Variants in BRD9 observed in about 807,000 individuals in gnomAD.
The protein encoded by BRD9 is bromodomain-containing protein 9.
In BRD9, 47 loss-of-function variants were observed where a neutral mutation model predicts 68.7. The ratio of observed to expected loss-of-function variants is 0.68; its 90% CI spans 0.54 to 0.87. The LOEUF is 0.87. BRD9 is among the 40% of genes least tolerant of loss of function. The pLI is 0.00. For missense variants in BRD9, 670 were observed against 748.4 expected (o/e 0.90, Z 1.22); for synonymous variants, 313 against 293.9 (o/e 1.06, Z -0.67).
intron 9 of BRD9, among the ~76,000 whole-genome samples, chr5:880,399 T>C (rs1751563165): frequency 6.8e-6 from 1 of 147,674 alleles, no homozygotes; most frequent in Admixed American, 6.7e-5. Flanking sequence ...TTTAGGAAAA[T>C]AAGCTGAAGA....
rs114963653 is a variant in BRD9 at position 865,948 on chromosome 5, G to A, written c.1526-367C>T. 4.7e-3 allele frequency: 889 copies of A among 187,572 alleles called. 7 individuals are homozygous for A. The highest frequency in any genetic ancestry group is 0.02 in the African/African-American group (855 of 43,040). 11.6% of individuals were successfully genotyped at this position (187,572 alleles called of 1,614,324 possible). On this transcript the variant is annotated intron_variant, in intron 14 of 15. Coordinates refer to ENST00000467963, the MANE Select transcript of BRD9 (RefSeq NM_023924.5). Reference sequence around the variant, plus strand: ...CACAAAGGCCAGACAGCTGGATGGAGGGTGCAAGAGGCCGGCAGACCCTGG... The same window carrying A: ...CACAAAGGCCAGACAGCTGGATGGAAGGTGCAAGAGGCCGGCAGACCCTGG...
intron 11 of BRD9, among the ~76,000 whole-genome samples, chr5:877,942 C>G (rs570360279): frequency 3.2e-4 from 48 of 152,296 alleles, no homozygotes; most frequent in African/African-American, 1.2e-3. Context: ...AAAGACGGCA[C>G]CTGCAGGCCC....
rs1426341107 is a variant in BRD9, at chr5:864,139, G to A, written c.*329C>T. On this transcript the variant is annotated 3_prime_UTR_variant, in exon 16 of 16. Coordinates refer to ENST00000467963, the MANE Select transcript of BRD9 (RefSeq NM_023924.5). The stretch of plus-strand genomic sequence containing the variant: ...TATGACTCCACTCCTCAGGGTTCAC[G>A]GGGCTGTGTACAGAGACTCTCTCTG... 7 of 189,022 alleles carry A rather than the reference G, an allele frequency of 3.7e-5. No individual in the cohort carries two copies. Among genetic ancestry groups the A allele is most frequent in the East Asian group, 1.4e-4 (1 of 7,298 alleles). The allele number at this position is 189,022 out of a possible 1,614,324, so 11.7% of individuals were successfully genotyped here. A position where few individuals can be genotyped will look rare whatever the true frequency, so the allele number is the denominator to read the frequency against.
Position 891,224 on chromosome 5 carries a change from C to T in BRD9, c.331G>A (p.Asp111Asn). 1.9e-6 allele frequency: 3 copies of T among 1,551,940 alleles called. No homozygotes were observed. Among genetic ancestry groups the T allele is most frequent in the Non-Finnish European group, 2.6e-6 (3 of 1,147,084 alleles). The change falls in exon 3 of 16, where the codon GAT (aspartate) becomes AAT (asparagine). Residue 111 changes from aspartate (D) to asparagine (N), a missense_variant. Asp to Asn is a conservative substitution (Grantham distance 23). Around this residue, in one of 5 missense-constraint regions of BRD9, gnomAD observed 161 missense variants for 148.1 expected, o/e 1.09. Coordinates refer to ENST00000467963, the MANE Select transcript of BRD9 (RefSeq NM_023924.5). ...CDTEGEADDF[D>N]PGKKVEVEPP... is the part of the protein sequence containing the mutation. Reference sequence around the variant, plus strand: ...TCCACCTCCACCTTCTTCCCAGGATCAAAGTCGTCAGCCTCTCCCTCCGTG... The same window carrying T: ...TCCACCTCCACCTTCTTCCCAGGATTAAAGTCGTCAGCCTCTCCCTCCGTG...
rs1463757713 is a variant in BRD9 at position 891,700 on chromosome 5, C to T, written c.207G>A (p.Lys69=). 37 of 1,551,536 alleles carry T rather than the reference C, an allele frequency of 2.4e-5. No individual in the cohort carries two copies. Among genetic ancestry groups the T allele is most frequent in the Non-Finnish European group, 3.1e-5 (35 of 1,147,016 alleles). Residue 69 remains lysine (K), a synonymous_variant, in exon 2 of 16, where the codon AAG becomes AAA. Transcript: ENST00000467963. Reference sequence around the variant, plus strand: ...TCTCCTTCTCGGACTTCTTCTTCTTCTTCTTTTTCTTTTCTTTGTGCCTCT... The same window carrying T: ...TCTCCTTCTCGGACTTCTTCTTCTTTTTCTTTTTCTTTTCTTTGTGCCTCT... ...ERERHKEKKK[K]KKKKSEKEKH...
chr5:883,828 C>A lies in BRD9; in HGVS notation c.966+110G>T. On this transcript the variant is annotated intron_variant, in intron 8 of 15. Transcript: ENST00000467963. Reference sequence around the variant, plus strand: ...CCTCCCGTCAGGGCCCCACGCTGACCTCTGGATCCCGGTGGCTGTGCTAGA... The same window carrying A: ...CCTCCCGTCAGGGCCCCACGCTGACATCTGGATCCCGGTGGCTGTGCTAGA... 2.7e-6 allele frequency: 4 copies of A among 1,475,818 alleles called. No homozygotes were observed. The South Asian group carries it at 5.0e-5, about 19-fold the overall frequency. The allele number at this position is 1,475,818 out of a possible 1,614,324, so 91.4% of individuals were successfully genotyped here.
rs747363008 is a variant in BRD9, at chr5:892,615, A to C, written c.43T>G (p.Ser15Ala). ...HKKHKAEWRS[S>A]YEDYADKPLE... Reference sequence around the variant, plus strand: ...AGCGCCGCCGCCTCACCCTCGTAGGACGAGCGCCACTCGGCCTTGTGCTTC... The same window carrying C: ...AGCGCCGCCGCCTCACCCTCGTAGGCCGAGCGCCACTCGGCCTTGTGCTTC... The change falls in exon 1 of 16, where the codon TCC (serine) becomes GCC (alanine). Residue 15 changes from serine to alanine, a missense_variant. By Grantham distance (99) the Ser-to-Ala change is moderately conservative. This residue lies in a region of BRD9 where 161 missense variants were observed against 148.1 expected (regional missense o/e 1.09). Coordinates refer to ENST00000467963, the MANE Select transcript of BRD9 (RefSeq NM_023924.5). 6.5e-7 allele frequency: 1 copy of C among 1,529,194 alleles called. No individual in the cohort carries two copies. The highest frequency in any genetic ancestry group is 1.2e-5 in the South Asian group (1 of 83,024). 94.7% of individuals were successfully genotyped at this position (1,529,194 alleles called of 1,614,324 possible).
At chr5:886,785 A>G (rs764413912) in intron 6 of BRD9, 78 bp from the exon 7 acceptor site, 1 of 1,606,388 alleles carries the variant, frequency 6.2e-7, no homozygotes, top group Non-Finnish European at 8.5e-7. Context: ...CAGAAAGGAC[A>G]GAGCAGCAGG....
chr5:876,045 C>A, intron 12 of BRD9, 56 bp downstream of exon 12: 1 of 1,281,734 alleles, frequency 7.8e-7, no homozygotes, highest in East Asian at 2.4e-5. Context: ...AGGCTCTTCC[C>A]GCCAGCAGCA....
At chr5:871,890 G>A (rs1338659292) in intron 12 of BRD9, among the ~76,000 whole-genome samples, 4 of 152,266 alleles carry the variant, frequency 2.6e-5, no homozygotes, top group East Asian at 1.9e-4. Context: ...GAAAAAAGAT[G>A]TGCCTAGATC....
chr5:891,347 GC>G, intron 2 of BRD9, 60 bp from the exon 3 acceptor site: 1 of 1,524,406 alleles, frequency 6.6e-7, no homozygotes, highest in Non-Finnish European at 8.8e-7. Context: ...GGACAGGTCT[GC>G]CCAATCCCCT....
At chr5:868,156 G>A (rs1560891717) in intron 14 of BRD9, among the ~76,000 whole-genome samples, 1 of 152,108 alleles carries the variant, frequency 6.6e-6, no homozygotes, top group Non-Finnish European at 1.5e-5. Flanking sequence ...CTCCTGCTCC[G>A]CCATGTGAAG....
chr5:889,519 A>C (rs1753037171), intron 4 of BRD9, 68 bp downstream of exon 4: 9 of 1,527,566 alleles, frequency 5.9e-6, no homozygotes, highest in Non-Finnish European at 7.2e-6. Context: ...GGCGTGGGGA[A>C]TAAGGCCTCA....
At chr5:891,485 T>G (rs1458431130) in intron 2 of BRD9, 155 bp downstream of exon 2, 1 of 1,336,912 alleles carries the variant, frequency 7.5e-7, no homozygotes, top group African/African-American at 1.5e-5. Context: ...ATCCTGGAAC[T>G]GAGTCTGCGG....
At chr5:878,975 G>A (rs1344509019) in intron 10 of BRD9, 1 of 42,722 alleles carries the variant, frequency 2.3e-5, no homozygotes. Flanking sequence ...CCATCAACAC[G>A]CCTCTGGACA....
intron 7 of BRD9, 77 bp downstream of exon 7, chr5:886,514 TC>T: frequency 7.5e-7 from 1 of 1,329,108 alleles, no homozygotes; most frequent in Non-Finnish European, 1.1e-6. Flanking sequence ...ACTCACTCAC[TC>T]TCCCCTACAA....
rs369989128 is a variant in BRD9 at position 871,637 on chromosome 5, A to G, written c.1384-73T>C. On this transcript the variant is annotated intron_variant, in intron 12 of 15. Transcript: ENST00000467963. ...TAGAAACGGACAATTCGCTGACATT[A>G]CACACACGTAAAAATGGCTTGTGCG... The G allele has an allele frequency of 2.2e-6, 3 of 1,387,500 alleles. No homozygotes were observed. The African/African-American group carries it at 4.3e-5, about 20-fold the overall frequency. 85.9% of individuals were successfully genotyped at this position (1,387,500 alleles called of 1,614,324 possible).
rs368074125 is a variant in BRD9, at chr5:878,387, G to A, written c.1239C>T (p.Tyr413=). ...SDEMELLYSA[Y]GDETGVQCAL... is the part of the protein sequence containing the mutation. ...CACACTGCACGCCTGTCTCATCTCC[G>A]TAGGCTGAGTAGAGCAGCTCCATCT... is the stretch of plus-strand genomic sequence containing the variant. The change falls in exon 11 of 16, where the codon TAC becomes TAT. Residue 413 remains tyrosine, a synonymous_variant. Coordinates refer to ENST00000467963, the MANE Select transcript of BRD9 (RefSeq NM_023924.5). The A allele has an allele frequency of 2.7e-5, 43 of 1,614,172 alleles. No individual in the cohort carries two copies. Among genetic ancestry groups the A allele is most frequent in the Middle Eastern group, 1.6e-4 (1 of 6,062 alleles).
chr5:885,267 C>T (rs1752379638), intron 7 of BRD9, among the ~76,000 whole-genome samples: 1 of 152,226 alleles, frequency 6.6e-6, no homozygotes, highest in Non-Finnish European at 1.5e-5. Context: ...CCTTAGGGGA[C>T]TGTCGTCCGT....
Sources: gnomAD v4.1 joint callset for allele counts (sites outside exome capture counted in the v4.1 genomes callset) on GRCh38, gnomAD v4.1.1 for gene constraint, gnomAD v4.1.1 regional missense constraint, MANE v1.5 for transcripts, NCBI Gene and HGNC (gene_info 2026-07-23, HGNC 2026-07-21) for gene names.